ERC1: variants seen among roughly 807,000 people sequenced by gnomAD.
ERC1 encodes the protein ELKS/RAB6-interacting/CAST family member 1.
A neutral mutation model predicts 132.0 loss-of-function variants in ERC1; 56 were observed. The observed-to-expected ratio is 0.42, with a 90% CI of 0.34 to 0.53. The LOEUF (loss-of-function observed/expected upper bound fraction) is 0.53. ERC1 is among the 20% of genes least tolerant of loss of function. The probability of loss-of-function intolerance (pLI) is 0.03; values close to 1 mark genes in which losing one functional copy is unlikely to be tolerated. For synonymous variants in ERC1, 478 were observed against 476.1 expected, an observed-to-expected ratio of 1.00 and a Z score of -0.05; for missense variants, 1,202 against 1,349.9, an observed-to-expected ratio of 0.89 and a Z score of 1.72.
intron 1 of ERC1, among the ~76,000 whole-genome samples, chr12:1,001,051 G>A (rs1297457890): frequency 6.6e-6 from 1 of 152,032 alleles, no homozygotes; most frequent in East Asian, 1.9e-4. Context: ...TTACAGGTAT[G>A]GGCAACCACG....
intron 15 of ERC1, among the ~76,000 whole-genome samples, chr12:1,323,258 GA>G (rs147335889): frequency 0.068 from 10,197 of 149,740 alleles, 434 homozygotes; most frequent in East Asian, 0.13. Flanking sequence ...TGGTAATGGG[GA>G]AAAAAAAAGG....
At chr12:1,145,890 G>A (rs1194627320) in intron 8 of ERC1, among the ~76,000 whole-genome samples, 1 of 152,114 alleles carries the variant, frequency 6.6e-6, no homozygotes, top group Non-Finnish European at 1.5e-5. Flanking sequence ...GTAAGTGTCT[G>A]GCTTCATTTC....
At chr12:1,321,219 C>T (rs2082094971) in intron 15 of ERC1, among the ~76,000 whole-genome samples, 1 of 152,116 alleles carries the variant, frequency 6.6e-6, no homozygotes, top group South Asian at 2.1e-4. Flanking sequence ...GCCTCAGTTT[C>T]CACATGTATG....
chr12:1,355,709 A>G (rs1461024345), intron 15 of ERC1, among the ~76,000 whole-genome samples: 1 of 152,212 alleles, frequency 6.6e-6, no homozygotes, highest in Admixed American at 6.5e-5. Flanking sequence ...TCTGATCGTC[A>G]GCTCCAACTG....
chr12:1,053,826 A>T (rs1972464044), intron 2 of ERC1, among the ~76,000 whole-genome samples: 1 of 152,218 alleles, frequency 6.6e-6, no homozygotes, highest in Non-Finnish European at 1.5e-5. Flanking sequence ...AAGACAGATG[A>T]AAGCAAATAC....
At chr12:1,384,030 T>C (rs2089028041) in intron 16 of ERC1, among the ~76,000 whole-genome samples, 1 of 152,172 alleles carries the variant, frequency 6.6e-6, no homozygotes, top group Non-Finnish European at 1.5e-5. Flanking sequence ...GAGCTGACAC[T>C]CCTGATCACT....
chr12:1,313,437 C>G (rs1010472364), intron 15 of ERC1, among the ~76,000 whole-genome samples: 1 of 151,998 alleles, frequency 6.6e-6, no homozygotes, highest in Non-Finnish European at 1.5e-5. Context: ...GGATATTAAA[C>G]AGAGATTCAA....
chr12:1,215,357 C>T (rs7133150), intron 12 of ERC1, among the ~76,000 whole-genome samples: 65,262 of 151,640 alleles, frequency 0.43, 15,750 homozygotes, highest in African/African-American at 0.66. Flanking sequence ...GATCATCTTA[C>T]AGCTCAAAAC....
chr12:1,343,654 C>T (rs927790952), intron 15 of ERC1, among the ~76,000 whole-genome samples: 1 of 152,120 alleles, frequency 6.6e-6, no homozygotes, highest in Non-Finnish European at 1.5e-5. Flanking sequence ...ATCTGTGCCA[C>T]TTACGCTGTC....
intron 1 of ERC1, among the ~76,000 whole-genome samples, chr12:993,254 T>A (rs1290820597): frequency 6.6e-6 from 1 of 152,214 alleles, no homozygotes; most frequent in Non-Finnish European, 1.5e-5. Context: ...GTTTTCGCTT[T>A]TAAATTATAC....
chr12:1,136,053 G>A (rs1949219953), intron 7 of ERC1, among the ~76,000 whole-genome samples: 1 of 152,218 alleles, frequency 6.6e-6, no homozygotes, highest in African/African-American at 2.4e-5. Context: ...ATTCTCTCTC[G>A]AAGCTAAAAC....
Position 1,028,053 on chromosome 12 carries a change from T to G in ERC1, c.150T>G (p.Ser50Arg). The G allele has an allele frequency of 6.2e-7, 1 of 1,614,170 alleles. No individual in the cohort carries two copies. The highest frequency in any genetic ancestry group is 8.5e-7 in the Non-Finnish European group (1 of 1,180,030). The change falls in exon 2 of 19, where the codon AGT becomes AGG. Residue 50 changes from serine to arginine, a missense_variant. Coordinates refer to ENST00000360905, the MANE Select transcript of ERC1 (RefSeq NM_178040.4). ...GSSGSSVGGG[S>R]GKTLSMENIQ... ...CGGGAAGCAGTGTTGGAGGTGGCAG[T>G]GGGAAAACCCTTTCAATGGAAAATA...
intron 15 of ERC1, among the ~76,000 whole-genome samples, chr12:1,335,736 C>T (rs567931149): frequency 6.3e-4 from 96 of 152,098 alleles, no homozygotes; most frequent in Non-Finnish European, 1.1e-3. Flanking sequence ...ATGCCGACCT[C>T]GTAGAATTAG....
rs1209776321 is a variant in ERC1 at position 1,263,236 on chromosome 12, T to C, written c.2619+71T>C. 6.1e-6 allele frequency: 9 copies of C among 1,479,904 alleles called. No homozygotes were observed. In the Admixed American group the frequency reaches 1.4e-4, roughly 23 times the overall value. 91.7% of individuals were successfully genotyped at this position (1,479,904 alleles called of 1,614,324 possible). A position where few individuals can be genotyped will look rare whatever the true frequency, so the allele number is the denominator to read the frequency against. ...AAGGTAACACACAACCAGTATAGTT[T>C]AGGTAAACTATACATATTGTATGTT... On this transcript the variant is annotated intron_variant, in intron 14 of 18. Coordinates refer to ENST00000360905, the MANE Select transcript of ERC1 (RefSeq NM_178040.4).
chr12:1,246,802 A>G (rs1257471058), intron 13 of ERC1, among the ~76,000 whole-genome samples: 2 of 152,232 alleles, frequency 1.3e-5, no homozygotes, highest in African/African-American at 4.8e-5. Flanking sequence ...AGAAAATGCC[A>G]GACAAATGCA....
intron 10 of ERC1, 29 bp downstream of exon 10, chr12:1,182,094 G>C: frequency 6.2e-7 from 1 of 1,607,646 alleles, no homozygotes; most frequent in Non-Finnish European, 8.5e-7. Context: ...GAATTAGTTT[G>C]TTTGCTTAAT....
At chr12:1,177,214 G>C (rs1953833507) in intron 8 of ERC1, among the ~76,000 whole-genome samples, 1 of 152,114 alleles carries the variant, frequency 6.6e-6, no homozygotes, top group African/African-American at 2.4e-5. Flanking sequence ...TTCCATATCA[G>C]CAATAAGGTT....
chr12:1,185,086 T>A (rs1448572843), intron 11 of ERC1, among the ~76,000 whole-genome samples: 1 of 152,204 alleles, frequency 6.6e-6, no homozygotes, highest in Non-Finnish European at 1.5e-5. Flanking sequence ...AATTTTTGTA[T>A]TTTTAGTAGA....
chr12:1,473,500 C>T (rs898634872), intron 18 of ERC1, among the ~76,000 whole-genome samples: 5 of 151,830 alleles, frequency 3.3e-5, no homozygotes, highest in African/African-American at 4.8e-5. Flanking sequence ...TGTGATGGTG[C>T]GCACCCGTAG....
Sources: allele counts gnomAD v4.1 joint callset (sites outside exome capture counted in the v4.1 genomes callset), GRCh38; gene constraint gnomAD v4.1.1; transcripts MANE v1.5; gene names NCBI Gene and HGNC (gene_info 2026-07-23, HGNC 2026-07-21).